Variants in GNPTAB observed in about 807,000 individuals in gnomAD.
GNPTAB encodes the protein N-acetylglucosamine-1-phosphotransferase subunits alpha/beta.
Under a neutral mutation model 136.6 loss-of-function variants are expected in GNPTAB, and 92 were observed. The ratio of observed to expected loss-of-function variants is 0.67; its 90% CI spans 0.57 to 0.80. The LOEUF (loss-of-function observed/expected upper bound fraction) is 0.80, where lower values mean the gene tolerates loss of function less well. GNPTAB is among the 30% of genes least tolerant of loss of function. GNPTAB has a pLI of 0.00. For synonymous variants in GNPTAB, 512 were observed against 535.1 expected (o/e 0.96, Z 0.60); for missense variants, 1,343 against 1,501.8 (o/e 0.89, Z 1.75).
At chr12:101,748,468 G>A (rs1952768473) in intron 20 of GNPTAB, among the ~76,000 whole-genome samples, 1 of 152,210 alleles carries the variant, frequency 6.6e-6, no homozygotes, top group African/African-American at 2.4e-5. Flanking sequence ...TATTTGATAT[G>A]TGAATAGCCT....
At chr12:101,816,716 A>C (rs1167826679) in intron 1 of GNPTAB, among the ~76,000 whole-genome samples, 1 of 151,766 alleles carries the variant, frequency 6.6e-6, no homozygotes, top group East Asian at 1.9e-4. Context: ...AAGAAAGGAA[A>C]TCCGTATAAT....
chr12:101,781,219 G>C (rs145576710), intron 5 of GNPTAB, among the ~76,000 whole-genome samples: 1 of 152,286 alleles, frequency 6.6e-6, no homozygotes, highest in East Asian at 1.9e-4. Flanking sequence ...GGACAAGTGA[G>C]ATCAACAAAC....
At chr12:101,765,652 ATATGGCATGGTTCTTAAC>A (rs1953079675) in intron 12 of GNPTAB, 1 of 367,536 alleles carries the variant, frequency 2.7e-6, no homozygotes, top group Non-Finnish European at 5.1e-6. Flanking sequence ...CACTATAGAG[ATATGGCATGGTTCTTAAC>A]AATAAATTAC....
At chr12:101,766,787 C>T (rs976857219) in intron 11 of GNPTAB, among the ~76,000 whole-genome samples, 23 of 152,202 alleles carry the variant, frequency 1.5e-4, no homozygotes, top group African/African-American at 5.5e-4. Flanking sequence ...AAGGGAGTCA[C>T]TTGACAGAAG....
intron 1 of GNPTAB, among the ~76,000 whole-genome samples, chr12:101,798,174 G>A (rs1869408063): frequency 6.6e-6 from 1 of 151,846 alleles, no homozygotes; most frequent in Non-Finnish European, 1.5e-5. Flanking sequence ...TCTTACTCAA[G>A]TATTCATAGC....
rs753801488 is a variant in GNPTAB at position 101,807,069 on chromosome 12, A to G, written c.118-10307T>C. Among the ~76,000 whole-genome samples the G allele has an allele frequency of 3.5e-4, 53 of 152,334 alleles. No individual in the cohort carries two copies. The South Asian group carries it at 3.5e-3, about 10-fold the overall frequency. On this transcript the variant is annotated intron_variant, in intron 1 of 20. Coordinates refer to ENST00000299314, the MANE Select transcript of GNPTAB (RefSeq NM_024312.5). ...CAAATCAAATCCAACAATATATAAAAAGAATTATTTACCACAACCAACTGG... is the reference window on the plus strand; with the variant it reads ...CAAATCAAATCCAACAATATATAAAGAGAATTATTTACCACAACCAACTGG...
chr12:101,798,751 C>T (rs182566799), intron 1 of GNPTAB, among the ~76,000 whole-genome samples: 1 of 152,298 alleles, frequency 6.6e-6, no homozygotes, highest in East Asian at 1.9e-4. Flanking sequence ...TGTAGTGACA[C>T]TAATTATCTC....
chr12:101,796,359 GT>G (rs1434567332), intron 2 of GNPTAB: 3 of 693,434 alleles, frequency 4.3e-6, no homozygotes, highest in Non-Finnish European at 5.2e-6. Flanking sequence ...CCCACAAAAT[GT>G]GGTGAACACA....
At chr12:101,800,854 A>G (rs1262884043) in intron 1 of GNPTAB, among the ~76,000 whole-genome samples, 1 of 151,966 alleles carries the variant, frequency 6.6e-6, no homozygotes, top group African/African-American at 2.4e-5. Context: ...GCATACTTTA[A>G]TTGGTACCTT....
At chr12:101,778,009 A>G (rs1033860948) in intron 7 of GNPTAB, among the ~76,000 whole-genome samples, 2 of 152,188 alleles carry the variant, frequency 1.3e-5, no homozygotes, top group African/African-American at 2.4e-5. Flanking sequence ...TGACTGGGAG[A>G]CTGAACTGTG....
rs1953091622 is a variant in GNPTAB at position 101,766,262 on chromosome 12, C to G, written c.1441G>C (p.Gly481Arg). ...ACTCCAATACTCCCAGTACCTCCAC[C>G]TCCTGCAATATAGCGACTCCCTCCA... ...NSGGSRYIAG[G>R]GGTGSIGVGQ... Residue 481 changes from glycine (G) to arginine (R), a missense_variant, in exon 12 of 21, where the codon GGT (glycine) becomes CGT (arginine). Gly to Arg is a moderately radical substitution (Grantham distance 125). Coordinates refer to ENST00000299314, the MANE Select transcript of GNPTAB (RefSeq NM_024312.5). 6.2e-7 allele frequency: 1 copy of G among 1,613,938 alleles called. No individual in the cohort carries two copies. The highest frequency in any genetic ancestry group is 1.3e-5 in the African/African-American group (1 of 74,914).
At chr12:101,756,574 A>T in intron 18 of GNPTAB, 1 of 263,984 alleles carries the variant, frequency 3.8e-6, no homozygotes, top group Non-Finnish European at 7.8e-6. Flanking sequence ...ATCCTGTCTC[A>T]AAAAAATATA....
intron 2 of GNPTAB, among the ~76,000 whole-genome samples, chr12:101,793,756 C>T (rs1869124155): frequency 6.6e-6 from 1 of 152,214 alleles, no homozygotes. Context: ...ATTAAAGCCA[C>T]TTAACAGTCC....
chr12:101,777,553 T>C (rs1484363793), intron 7 of GNPTAB, among the ~76,000 whole-genome samples: 1 of 152,152 alleles, frequency 6.6e-6, no homozygotes, highest in African/African-American at 2.4e-5. Flanking sequence ...GCTGGGAGAA[T>C]GGCTGCTCTG....
chr12:101,808,328 G>A (rs1201648564), intron 1 of GNPTAB, among the ~76,000 whole-genome samples: 1 of 151,382 alleles, frequency 6.6e-6, no homozygotes, highest in African/African-American at 2.4e-5. Context: ...GGAGGCCAAG[G>A]TGGGAGGACT....
Position 101,756,862 on chromosome 12 carries a change from A to T in GNPTAB, c.3434+350T>A, listed in dbSNP as rs562802648. 11 of 204,550 alleles carry T rather than the reference A, an allele frequency of 5.4e-5. 1 individual carries two copies. Among genetic ancestry groups the T allele is most frequent in the African/African-American group, 2.6e-4 (11 of 42,566 alleles). 12.7% of individuals were successfully genotyped at this position (204,550 alleles called of 1,614,324 possible). A position where few individuals can be genotyped will look rare whatever the true frequency, so the allele number is the denominator to read the frequency against. ...TGAACTTTACTTTGAATTCCATCTA[A>T]ACAACTGTTCTGGAAGTACCTTTTT... On this transcript the variant is annotated intron_variant, in intron 18 of 20. Coordinates refer to ENST00000299314, the MANE Select transcript of GNPTAB (RefSeq NM_024312.5).
At chr12:101,758,173 G>C (rs753432403) in intron 16 of GNPTAB, among the ~76,000 whole-genome samples, 1 of 151,928 alleles carries the variant, frequency 6.6e-6, no homozygotes, top group African/African-American at 2.4e-5. Flanking sequence ...CGAGTAGCTG[G>C]GATTACAGGA....
chr12:101,771,172 G>A lies in GNPTAB; in HGVS notation c.772-15C>T. On this transcript the variant is annotated splice_polypyrimidine_tract_variant and intron_variant, in intron 7 of 20. Coordinates refer to ENST00000299314, the MANE Select transcript of GNPTAB (RefSeq NM_024312.5). ...TACAACTGCAACTATCAAATAACAAGAGGATTACACATGAAAAGACTGAAT... is the reference window on the plus strand; with the variant it reads ...TACAACTGCAACTATCAAATAACAAAAGGATTACACATGAAAAGACTGAAT... 6.2e-7 allele frequency: 1 copy of A among 1,609,076 alleles called. No homozygotes were observed. Among genetic ancestry groups the A allele is most frequent in the Non-Finnish European group, 8.5e-7 (1 of 1,175,618 alleles).
chr12:101,758,913 CA>C (rs1482758194), intron 16 of GNPTAB, among the ~76,000 whole-genome samples: 1 of 152,144 alleles, frequency 6.6e-6, no homozygotes, highest in Non-Finnish European at 1.5e-5. Flanking sequence ...CTCTAGTGTA[CA>C]AAAAGGATAT....
Sources: allele counts gnomAD v4.1 joint callset (sites outside exome capture counted in the v4.1 genomes callset), GRCh38; gene constraint gnomAD v4.1.1; transcripts MANE v1.5; gene names NCBI Gene and HGNC (gene_info 2026-07-23, HGNC 2026-07-21).